Variants in ADPRHL1 observed in about 807,000 individuals in gnomAD.
ADPRHL1 encodes ADP-ribosylhydrolase like 1, also known as inactive ADP-ribosyltransferase ARH2.
ADPRHL1 carries 43 observed loss-of-function variants against 44.1 expected under a neutral mutation model. The ratio of observed to expected loss-of-function variants is 0.98; its 90% confidence interval spans 0.76 to 1.26. The LOEUF is 1.26. ADPRHL1 is among the 50% of genes most tolerant of loss of function. The pLI, the probability that ADPRHL1 is intolerant of heterozygous loss-of-function variation, is 0.00. For synonymous variants in ADPRHL1, 878 were observed against 1,017.4 expected, an observed-to-expected ratio of 0.86 and a Z score of 2.61; for missense variants, 2,022 against 2,496.9, an observed-to-expected ratio of 0.81 and a Z score of 4.05.
At position 113,403,245 on chromosome 13, in the gene ADPRHL1, G is replaced by T; in HGVS notation, c.*133C>A. 1.2e-6 allele frequency: 1 copy of T among 812,502 alleles called. No homozygotes were observed. The highest frequency in any genetic ancestry group is 1.7e-6 in the Non-Finnish European group (1 of 605,540). 50.3% of individuals were successfully genotyped at this position (812,502 alleles called of 1,614,324 possible). ...CTCCCAAGGTCAGCTTGTGAAGAAG[G>T]GAAAGAAAATTATGGAAACAGGCGT... On this transcript the variant is annotated 3_prime_UTR_variant, in exon 8 of 8. Coordinates refer to ENST00000612156, the MANE Select transcript of ADPRHL1 (RefSeq NM_001394807.1).
At chr13:113,431,759 A>G (rs547636324) in intron 3 of ADPRHL1, among the ~76,000 whole-genome samples, 2 of 152,326 alleles carry the variant, frequency 1.3e-5, no homozygotes, top group South Asian at 2.1e-4. Context: ...TCTGTCGCCC[A>G]GGCTGGAGTG....
rs764987242 is a variant in ADPRHL1 at position 113,441,244 on chromosome 13, G to A, written c.379+3181C>T. On this transcript the variant is annotated intron_variant, in intron 2 of 7. Coordinates refer to ENST00000612156, the MANE Select transcript of ADPRHL1 (RefSeq NM_001394807.1). The surrounding 1 kb of genome is among the most constrained non-coding windows in gnomAD (Gnocchi z 6.0). The stretch of plus-strand genomic sequence containing the variant: ...TGTGACAACTTCTGACTGTTATTGG[G>A]GGTCTTCACACCATTCGCATTTGGC... Among the ~76,000 whole-genome samples, 8 of 152,200 alleles carry A rather than the reference G, an allele frequency of 5.3e-5. No individual in the cohort carries two copies. Among genetic ancestry groups the A allele is most frequent in the South Asian group, 2.1e-4 (1 of 4,826 alleles).
At chr13:113,449,733 G>C (rs965933099) in intron 1 of ADPRHL1, among the ~76,000 whole-genome samples, 2 of 152,234 alleles carry the variant, frequency 1.3e-5, no homozygotes, top group East Asian at 3.8e-4. Flanking sequence ...CTTACTTAAA[G>C]CTGCCAAACG....
intron 2 of ADPRHL1, among the ~76,000 whole-genome samples, chr13:113,434,558 C>A (rs2044033786): frequency 6.8e-6 from 1 of 146,526 alleles, no homozygotes; most frequent in Non-Finnish European, 1.5e-5. Flanking sequence ...GACCCGGCAC[C>A]CAGGTGTAGA....
intron 2 of ADPRHL1, among the ~76,000 whole-genome samples, chr13:113,437,631 T>A (rs560080875): frequency 6.6e-6 from 1 of 152,336 alleles, no homozygotes; most frequent in East Asian, 1.9e-4. Flanking sequence ...TTGTTGGGGA[T>A]CAATAGTGAT....
chr13:113,408,057 C>G lies in ADPRHL1; in HGVS notation c.1225G>C (p.Gly409Arg), dbSNP rs1363674429. 1.6e-6 allele frequency: 2 copies of G among 1,232,086 alleles called. No homozygotes were observed. The highest frequency in any genetic ancestry group is 3.2e-5 in the East Asian group (1 of 31,734). 76.3% of individuals were successfully genotyped at this position (1,232,086 alleles called of 1,614,324 possible). ...GGCTGGTGGCTGGGCCTGCTCCCCC[C>G]GGCCTCTGTCCCCGGGGGCCGGTCT... ...RADRPPGTEA[G>R]GSRPSHQPQT... Residue 409 changes from glycine (G) to arginine (R), a missense_variant, in exon 8 of 8, where the codon GGG becomes CGG. By Grantham distance (125) the Gly-to-Arg change is moderately radical (BLOSUM62 -2). Around this residue, in one of 8 missense-constraint regions of ADPRHL1, gnomAD observed 1,221 missense variants for 1,517.8 expected, o/e 0.80. Coordinates refer to ENST00000612156, the MANE Select transcript of ADPRHL1 (RefSeq NM_001394807.1).
intron 1 of ADPRHL1, among the ~76,000 whole-genome samples, chr13:113,447,478 G>A (rs1199968208): frequency 1.3e-5 from 2 of 151,520 alleles, no homozygotes; most frequent in Non-Finnish European, 2.9e-5. Flanking sequence ...CATGCACGGT[G>A]TTGTGTGTGC....
rs780743894 is a variant in ADPRHL1, at chr13:113,433,769, C to T, written c.478G>A (p.Gly160Ser). The stretch of plus-strand genomic sequence containing the variant: ...GTGGGATGGTTGTGGGTCATCCGGC[C>T]GCACTCCACGCTGACCTCGATGAGG... ...ETLIEVSVEC[G>S]RMTHNHPTGF... Residue 160 changes from glycine to serine, a missense_variant, in exon 3 of 8, where the codon GGC becomes AGC. Physicochemically the swap from Gly to Ser is moderately conservative, Grantham distance 56. Around this residue, in one of 8 missense-constraint regions of ADPRHL1, gnomAD observed 437 missense variants for 430.7 expected, o/e 1.01. Coordinates refer to ENST00000612156, the MANE Select transcript of ADPRHL1 (RefSeq NM_001394807.1). 5.2e-5 allele frequency: 83 copies of T among 1,595,362 alleles called. No individual in the cohort carries two copies. Among genetic ancestry groups the T allele is most frequent in the Non-Finnish European group, 6.6e-5 (77 of 1,172,848 alleles).
At position 113,405,919 on chromosome 13, in the gene ADPRHL1, C is replaced by G; in HGVS notation, c.3363G>C (p.Ala1121=). 1 of 1,232,050 alleles carries G rather than the reference C, an allele frequency of 8.1e-7. No individual in the cohort carries two copies. The highest frequency in any genetic ancestry group is 1.0e-6 in the Non-Finnish European group (1 of 988,066). The allele number at this position is 1,232,050 out of a possible 1,614,324, so 76.3% of individuals were successfully genotyped here. The change falls in exon 8 of 8, where the codon GCG becomes GCC. Residue 1121 remains alanine, a synonymous_variant. Coordinates refer to ENST00000612156, the MANE Select transcript of ADPRHL1 (RefSeq NM_001394807.1). The part of the protein sequence containing the change: ...CGAMAAAGSV[A]SRATPAPAPG... ...GCGCTGGTGCAGGCGTGGCGCGGCTCGCAACGCTCCCTGCAGCTGCCATCG... is the reference window on the plus strand; with the variant it reads ...GCGCTGGTGCAGGCGTGGCGCGGCTGGCAACGCTCCCTGCAGCTGCCATCG...
intron 7 of ADPRHL1, among the ~76,000 whole-genome samples, chr13:113,413,336 G>A (rs899498392): frequency 5.1e-4 from 78 of 152,202 alleles, no homozygotes; most frequent in Middle Eastern, 3.4e-3. Context: ...TTCACAACCC[G>A]GCTCAGATGC....
intron 3 of ADPRHL1, among the ~76,000 whole-genome samples, chr13:113,431,808 C>T (rs565649110): frequency 3.0e-4 from 45 of 151,240 alleles, no homozygotes; most frequent in South Asian, 4.2e-4. Context: ...CTCCACCTCC[C>T]GGGTTCAAGC....
intron 7 of ADPRHL1, among the ~76,000 whole-genome samples, chr13:113,411,940 C>T (rs906849801): frequency 6.6e-6 from 1 of 152,252 alleles, no homozygotes; most frequent in Non-Finnish European, 1.5e-5. Flanking sequence ...TCACAAAGTC[C>T]TGCGCCCACC....
At chr13:113,424,973 C>CCCAT in intron 5 of ADPRHL1, 79 bp downstream of exon 5, 1 of 1,550,514 alleles carries the variant, frequency 6.4e-7, no homozygotes. Context: ...TACCCACCCA[C>CCCAT]CCATCCATCC....
chr13:113,419,282 T>A (rs2043903969), intron 7 of ADPRHL1, among the ~76,000 whole-genome samples: 1 of 104,986 alleles, frequency 9.5e-6, no homozygotes. Flanking sequence ...ATTTTTGTAT[T>A]TTTTTTTTTT....
At chr13:113,423,380 G>A (rs1161302222) in intron 6 of ADPRHL1, among the ~76,000 whole-genome samples, 33 of 152,356 alleles carry the variant, frequency 2.2e-4, no homozygotes, top group Admixed American at 1.8e-3. Context: ...GTGCCAGGAA[G>A]GTGCAGAAGG....
rs553195048 is a variant in ADPRHL1 at position 113,445,443 on chromosome 13, G to A, written c.215-854C>T. Among the ~76,000 whole-genome samples the A allele has an allele frequency of 3.7e-4, 56 of 152,380 alleles. No individual in the cohort carries two copies. In the South Asian group the frequency reaches 0.01, roughly 28 times the overall value. On this transcript the variant is annotated intron_variant, in intron 1 of 7. Transcript: ENST00000612156. ...CATGCCAGGACAGGCTGTGGCAGGC[G>A]GATGCCCACCAGGTGGGGCCGGCGA...
rs921238598 is a variant in ADPRHL1 at position 113,405,412 on chromosome 13, A to C, written c.3870T>G (p.Pro1290=). 30 of 1,231,942 alleles carry C rather than the reference A, an allele frequency of 2.4e-5. No individual in the cohort carries two copies. The highest frequency in any genetic ancestry group is 3.1e-4 in the Middle Eastern group (1 of 3,208). 76.3% of individuals were successfully genotyped at this position (1,231,942 alleles called of 1,614,324 possible). A position where few individuals can be genotyped will look rare whatever the true frequency, so the allele number is the denominator to read the frequency against. ...PSYGPGLPPS[P]PENPQAKGRE... ...TGCCCTTTGCCTGTGGGTTCTCAGG[A>C]GGCGACGGCGGGAGGCCAGGGCCAT... The change falls in exon 8 of 8, where the codon CCT becomes CCG. Residue 1290 remains proline (P), a synonymous_variant. Coordinates refer to ENST00000612156, the MANE Select transcript of ADPRHL1 (RefSeq NM_001394807.1).
At chr13:113,440,155 A>G (rs1293020157) in intron 2 of ADPRHL1, among the ~76,000 whole-genome samples, 1 of 152,160 alleles carries the variant, frequency 6.6e-6, no homozygotes, top group African/African-American at 2.4e-5. Flanking sequence ...TGGTTTTAAA[A>G]CGTGAAAATG....
At chr13:113,437,420 G>A (rs930151578) in intron 2 of ADPRHL1, among the ~76,000 whole-genome samples, 9 of 152,180 alleles carry the variant, frequency 5.9e-5, no homozygotes, top group Non-Finnish European at 1.2e-4. Flanking sequence ...GCACCCAGGT[G>A]CAGAGTGAAT....
Sources: allele counts gnomAD v4.1 joint callset (sites outside exome capture counted in the v4.1 genomes callset), GRCh38; gene constraint gnomAD v4.1.1; regional missense constraint gnomAD v4.1.1; non-coding constraint Gnocchi (gnomAD v3.1); transcripts MANE v1.5; gene names NCBI Gene and HGNC (gene_info 2026-07-23, HGNC 2026-07-21).